IGF2BP3: variants seen among roughly 807,000 people sequenced by gnomAD.
IGF2BP3 encodes the protein insulin-like growth factor 2 mRNA-binding protein 3.
A neutral mutation model predicts 73.8 loss-of-function variants in IGF2BP3; 9 were observed. The ratio of observed to expected loss-of-function variants is 0.12; its 90% confidence interval spans 0.07 to 0.21. The LOEUF is 0.21. Among genes scored for constraint, IGF2BP3 ranks in the 10% least tolerant of loss-of-function variants. The probability of loss-of-function intolerance (pLI) is 1.00; values close to 1 mark genes in which losing one functional copy is unlikely to be tolerated. For synonymous variants in IGF2BP3, 258 were observed against 256.7 expected, an observed-to-expected ratio of 1.01 and a Z score of -0.05; for missense variants, 542 against 714.0, an observed-to-expected ratio of 0.76 and a Z score of 2.75.
At chr7:23,354,566 C>T (rs948318941) in intron 5 of IGF2BP3, among the ~76,000 whole-genome samples, 2 of 152,160 alleles carry the variant, frequency 1.3e-5, no homozygotes, top group African/African-American at 2.4e-5. Flanking sequence ...AAGGTACACA[C>T]GTCAGTTACC....
chr7:23,391,251 CA>C (rs1360266160), intron 3 of IGF2BP3, among the ~76,000 whole-genome samples: 1 of 151,992 alleles, frequency 6.6e-6, no homozygotes, highest in African/African-American at 2.4e-5. Context: ...AGGCGTGTGC[CA>C]CTACACCCAG....
chr7:23,419,154 C>G (rs114746405), intron 2 of IGF2BP3, among the ~76,000 whole-genome samples: 18 of 152,184 alleles, frequency 1.2e-4, no homozygotes, highest in Non-Finnish European at 2.5e-4. Context: ...TCCCAGGACA[C>G]AAACAAGGCC....
At chr7:23,417,056 C>CA (rs1787210254) in intron 3 of IGF2BP3, among the ~76,000 whole-genome samples, 1 of 152,036 alleles carries the variant, frequency 6.6e-6, no homozygotes, top group Admixed American at 6.6e-5. Flanking sequence ...AACTCCATCT[C>CA]AAAAAACAAA....
chr7:23,455,228 G>T (rs146498973), intron 2 of IGF2BP3, among the ~76,000 whole-genome samples: 2 of 152,128 alleles, frequency 1.3e-5, no homozygotes, highest in African/African-American at 4.8e-5. Flanking sequence ...CATCACGCAC[G>T]CAGGCTGCTC....
chr7:23,395,727 A>G (rs1461776946), intron 3 of IGF2BP3, among the ~76,000 whole-genome samples: 1 of 152,068 alleles, frequency 6.6e-6, no homozygotes, highest in East Asian at 1.9e-4. Flanking sequence ...GGAGTTCGTG[A>G]CCAGCCTGGC....
rs1482899232 is a variant in IGF2BP3 at position 23,314,292 on chromosome 7, C to T, written c.1396-639G>A. On this transcript the variant is annotated intron_variant, in intron 12 of 14. Coordinates refer to ENST00000258729, the MANE Select transcript of IGF2BP3 (RefSeq NM_006547.3). The stretch of plus-strand genomic sequence containing the variant: ...CCGCCTCCCAGGTTCAAGTGATTCT[C>T]CTGCCTCAGCCTCCTGAGTAGCTGG... Among the ~76,000 whole-genome samples the T allele has an allele frequency of 2.0e-5, 3 of 151,962 alleles. No individual in the cohort carries two copies. The East Asian group carries it at 5.8e-4, about 29-fold the overall frequency.
chr7:23,395,090 TC>T (rs1786408031), intron 3 of IGF2BP3, among the ~76,000 whole-genome samples: 1 of 152,232 alleles, frequency 6.6e-6, no homozygotes, highest in Non-Finnish European at 1.5e-5. Flanking sequence ...CTGCTCAATT[TC>T]ACAGCCATAA....
chr7:23,438,532 A>C (rs1191337045), intron 2 of IGF2BP3, among the ~76,000 whole-genome samples: 3 of 129,186 alleles, frequency 2.3e-5, no homozygotes, highest in Non-Finnish European at 3.5e-5. Flanking sequence ...TAAGTACACT[A>C]ACTGACAAAA....
At chr7:23,316,747 A>G (rs776945332) in intron 12 of IGF2BP3, among the ~76,000 whole-genome samples, 80 of 151,500 alleles carry the variant, frequency 5.3e-4, no homozygotes, top group Non-Finnish European at 1.1e-3. Flanking sequence ...TTACACAGCC[A>G]CTAAATGTTC....
intron 2 of IGF2BP3, among the ~76,000 whole-genome samples, chr7:23,419,037 G>A (rs954003833): frequency 6.6e-6 from 1 of 152,168 alleles, no homozygotes; most frequent in Non-Finnish European, 1.5e-5. Context: ...TTATCGGACT[G>A]TTATGACTTA....
At chr7:23,407,262 A>G (rs117417219) in intron 3 of IGF2BP3, among the ~76,000 whole-genome samples, 23 of 151,798 alleles carry the variant, frequency 1.5e-4, no homozygotes, top group Non-Finnish European at 3.1e-4. Flanking sequence ...CCCAAGATGA[A>G]ATAACCTGAA....
rs1002155022 is a variant in IGF2BP3, at chr7:23,451,228, G to A, written c.236+17254C>T. Among the ~76,000 whole-genome samples the A allele has an allele frequency of 7.2e-5, 11 of 152,158 alleles. No individual in the cohort carries two copies. In the East Asian group the frequency reaches 2.1e-3, roughly 29 times the overall value. On this transcript the variant is annotated intron_variant, in intron 2 of 14. Transcript: ENST00000258729. ...AGGTCAGGGGTTTGAGAACAGCCTG[G>A]CCAACATGGTGAAACCTGGTCTCTA... is the stretch of plus-strand genomic sequence containing the variant.
rs1788683988 is a variant in IGF2BP3 at position 23,470,199 on chromosome 7, T to C, written c.-89A>G. The C allele has an allele frequency of 1.0e-5, 11 of 1,078,200 alleles. No homozygotes were observed. The highest frequency in any genetic ancestry group is 1.5e-5 in the Non-Finnish European group (11 of 745,362). The allele number at this position is 1,078,200 out of a possible 1,614,324, so 66.8% of individuals were successfully genotyped here. A position where few individuals can be genotyped will look rare whatever the true frequency, so the allele number is the denominator to read the frequency against. ...TGATGGATGGATCCAGCTGGTTTTG[T>C]TCCCCTCGTCTTCTCGCCTTTAAAA... On this transcript the variant is annotated 5_prime_UTR_variant, in exon 1 of 15. Transcript: ENST00000258729.
In IGF2BP3 at chr7:23,312,465, A is replaced by G. The variant is rs1783858987; in HGVS notation, c.1642-5T>C. On this transcript the variant is annotated splice_region_variant and splice_polypyrimidine_tract_variant and intron_variant, in intron 14 of 14. Coordinates refer to ENST00000258729, the MANE Select transcript of IGF2BP3 (RefSeq NM_006547.3). ...CTGAATTTTTCTCTGGGCAACCTAG[A>G]AAAGGACAGAGCTTTGAAATTCCAC... is the stretch of plus-strand genomic sequence containing the variant. 5.6e-6 allele frequency: 9 copies of G among 1,598,332 alleles called. No individual in the cohort carries two copies. Among genetic ancestry groups the G allele is most frequent in the South Asian group, 3.3e-5 (3 of 90,758 alleles).
chr7:23,323,594 T>C (rs528064991), intron 10 of IGF2BP3, among the ~76,000 whole-genome samples: 14,100 of 146,408 alleles, frequency 0.096, 1,616 homozygotes, highest in African/African-American at 0.29. Flanking sequence ...CAGAACTCTC[T>C]ACCCCAAATC....
At chr7:23,327,561 G>A (rs1035675273) in intron 10 of IGF2BP3, among the ~76,000 whole-genome samples, 5 of 152,094 alleles carry the variant, frequency 3.3e-5, no homozygotes, top group African/African-American at 9.7e-5. Flanking sequence ...GATTACAGGC[G>A]TGAGCCACCG....
chr7:23,462,393 G>T (rs1788470002), intron 2 of IGF2BP3, among the ~76,000 whole-genome samples: 1 of 145,054 alleles, frequency 6.9e-6, no homozygotes, highest in Non-Finnish European at 1.5e-5. Flanking sequence ...ACGGAGTCTT[G>T]CTCTGTCACC....
At chr7:23,424,052 A>AG (rs957185189) in intron 2 of IGF2BP3, among the ~76,000 whole-genome samples, 7 of 152,070 alleles carry the variant, frequency 4.6e-5, no homozygotes, top group African/African-American at 1.7e-4. Context: ...CGGGAGACGG[A>AG]GGTTGCAGTT....
At chr7:23,360,940 T>TAAACTAAGATC (rs1383379178) in intron 5 of IGF2BP3, among the ~76,000 whole-genome samples, 5 of 152,194 alleles carry the variant, frequency 3.3e-5, no homozygotes, top group Non-Finnish European at 7.3e-5. Context: ...AGTGCTCAGT[T>TAAACTAAGATC]TATTAGATCT....
Sources: allele counts gnomAD v4.1 joint callset (sites outside exome capture counted in the v4.1 genomes callset), GRCh38; gene constraint gnomAD v4.1.1; transcripts MANE v1.5; gene names NCBI Gene and HGNC (gene_info 2026-07-23, HGNC 2026-07-21).